The following WDR48 variants were observed in gnomAD, a reference collection of about 807,000 sequenced individuals.
WDR48 encodes WD repeat-containing protein 48.
In WDR48, 22 loss-of-function variants were observed where a neutral mutation model predicts 94.0. The ratio of observed to expected loss-of-function variants is 0.23; its 90% CI spans 0.17 to 0.33. The LOEUF is 0.33. WDR48 is among the 10% of genes least tolerant of loss of function. WDR48 has a pLI of 1.00. For synonymous variants in WDR48, 278 were observed against 280.5 expected, an observed-to-expected ratio of 0.99 and a Z score of 0.09; for missense variants, 541 against 813.8, an observed-to-expected ratio of 0.66 and a Z score of 4.08.
chr3:39,089,192 G>GCTTGTTGGGTTACTTA, intron 15 of WDR48, 39 bp from the exon 16 acceptor site: 1 of 1,582,250 alleles, frequency 6.3e-7, no homozygotes, highest in Non-Finnish European at 8.7e-7. Context: ...TGACATCTGT[G>GCTTGTTGGGTTACTTA]CTTGTTGGGT....
At position 39,067,007 on chromosome 3, in the gene WDR48, G is replaced by A. The variant is rs546342310; in HGVS notation, c.481+132G>A. 6.3e-4 allele frequency: 682 copies of A among 1,076,322 alleles called. 3 individuals are homozygous for A. The African/African-American group carries it at 9.5e-3, about 15-fold the overall frequency. 66.7% of individuals were successfully genotyped at this position (1,076,322 alleles called of 1,614,324 possible). ...TTTTGAGAGTGCTTCTACCTACAGC[G>A]TTCTGGCCCCCAAGAGTATGATTGA... On this transcript the variant is annotated intron_variant, in intron 5 of 18. Coordinates refer to ENST00000302313, the MANE Select transcript of WDR48 (RefSeq NM_020839.4).
intron 11 of WDR48, 73 bp downstream of exon 11, chr3:39,079,881 G>A: frequency 1.3e-6 from 1 of 797,492 alleles, no homozygotes; most frequent in Non-Finnish European, 1.9e-6. Flanking sequence ...TTTTGTATGT[G>A]ATAAGATAAT....
Position 39,068,869 on chromosome 3 carries a change from A to C in WDR48, c.570+10A>C. On this transcript the variant is annotated intron_variant, in intron 6 of 18. Coordinates refer to ENST00000302313, the MANE Select transcript of WDR48 (RefSeq NM_020839.4). ...AGGGTCCACTGAAAAGGTAAGGAGG[A>C]GCTTATTTCTTTATTTAAAAAAAAA... 6.5e-7 allele frequency: 1 copy of C among 1,544,972 alleles called. No individual in the cohort carries two copies. Among genetic ancestry groups the C allele is most frequent in the Non-Finnish European group, 8.8e-7 (1 of 1,140,656 alleles).
chr3:39,066,729 T>TA lies in WDR48; in HGVS notation c.352-17_352-16insA. ...CTGATCTACAGAATAGATCATAGTA[T>TA]GTCTGTTCTATTACAGGATTACGTA... On this transcript the variant is annotated splice_polypyrimidine_tract_variant and intron_variant, in intron 4 of 18. Transcript: ENST00000302313. 1 of 1,613,886 alleles carries TA rather than the reference T, an allele frequency of 6.2e-7. No homozygotes were observed. Among genetic ancestry groups the TA allele is most frequent in the Admixed American group, 1.7e-5 (1 of 60,018 alleles).
At chr3:39,082,404 C>T (rs1012144830) in intron 11 of WDR48, among the ~76,000 whole-genome samples, 1 of 152,002 alleles carries the variant, frequency 6.6e-6, no homozygotes, top group Non-Finnish European at 1.5e-5. Context: ...GCCTCAGCCT[C>T]CCGAGTAGCT....
intron 1 of WDR48, among the ~76,000 whole-genome samples, chr3:39,061,717 C>G (rs892147075): frequency 6.6e-6 from 1 of 152,302 alleles, no homozygotes; most frequent in Admixed American, 6.5e-5. Context: ...CTCCCACCAA[C>G]AGTGTAAAAG....
intron 4 of WDR48, 40 bp from the exon 5 acceptor site, chr3:39,066,702 TACTG>T (rs2033629804): frequency 6.2e-7 from 1 of 1,613,080 alleles, no homozygotes; most frequent in Admixed American, 1.7e-5. Context: ...CTCATTTTAT[TACTG>T]ATCTACAGAA....
intron 8 of WDR48, among the ~76,000 whole-genome samples, chr3:39,075,757 G>A (rs550277146): frequency 8.6e-5 from 13 of 151,506 alleles, no homozygotes; most frequent in Admixed American, 7.2e-4. Context: ...GCAGTGATGC[G>A]ATCTCGGCTC....
intron 15 of WDR48, among the ~76,000 whole-genome samples, chr3:39,088,611 A>G (rs2034932994): frequency 6.6e-6 from 1 of 152,128 alleles, no homozygotes; most frequent in East Asian, 1.9e-4. Flanking sequence ...TACTTTTCTT[A>G]GGCTGATCCA....
intron 10 of WDR48, 150 bp downstream of exon 10, chr3:39,078,389 GTTT>G (rs955395155): frequency 1.4e-5 from 9 of 624,386 alleles, no homozygotes; most frequent in East Asian, 6.6e-5. Flanking sequence ...TAAGGAAAAG[GTTT>G]TTTTTTGTTT....
At chr3:39,090,856 T>C (rs1335398083) in intron 16 of WDR48, 2 of 152,232 alleles carry the variant, frequency 1.3e-5, no homozygotes, top group Non-Finnish European at 1.5e-5. Flanking sequence ...TTAAAGCCAA[T>C]GTGACACCTG....
intron 1 of WDR48, among the ~76,000 whole-genome samples, chr3:39,060,993 G>A (rs2033223200): frequency 6.6e-6 from 1 of 152,086 alleles, no homozygotes; most frequent in South Asian, 2.1e-4. Flanking sequence ...TTATTTTTAT[G>A]GTTATTAAAT....
intron 17 of WDR48, among the ~76,000 whole-genome samples, 157 bp downstream of exon 17, chr3:39,091,858 T>A (rs1030369699): frequency 1.3e-5 from 2 of 152,206 alleles, no homozygotes; most frequent in Non-Finnish European, 2.9e-5. Context: ...GGTACCAACT[T>A]TGGCCGATTA....
intron 5 of WDR48, among the ~76,000 whole-genome samples, chr3:39,067,579 C>T (rs1453162544): frequency 6.6e-6 from 1 of 152,174 alleles, no homozygotes; most frequent in African/African-American, 2.4e-5. Context: ...GGCCAGGTTT[C>T]AGAAGGGACT....
intron 2 of WDR48, 165 bp from the exon 3 acceptor site, chr3:39,065,646 A>G (rs1559602958): frequency 4.3e-6 from 2 of 467,212 alleles, no homozygotes; most frequent in Non-Finnish European, 3.8e-6. Context: ...TACATCTGTT[A>G]TCTGGAAGCA....
chr3:39,083,615 AAG>A (rs2034644439), intron 11 of WDR48, among the ~76,000 whole-genome samples: 1 of 152,174 alleles, frequency 6.6e-6, no homozygotes, highest in Admixed American at 6.5e-5. Context: ...TCAGAGGTAG[AAG>A]AGAGATTTAG....
At chr3:39,062,850 G>A (rs2033356311) in intron 1 of WDR48, among the ~76,000 whole-genome samples, 200 bp from the exon 2 acceptor site, 1 of 152,212 alleles carries the variant, frequency 6.6e-6, no homozygotes, top group African/African-American at 2.4e-5. Context: ...ACTTACTCAT[G>A]TTGGACTAGG....
chr3:39,052,302 T>G, intron 1 of WDR48: 1 of 537,794 alleles, frequency 1.9e-6, no homozygotes. Flanking sequence ...GTGGGCGGCA[T>G]TCTGAGCCCG....
intron 17 of WDR48, among the ~76,000 whole-genome samples, chr3:39,093,594 C>G (rs1326290801): frequency 6.6e-6 from 1 of 152,144 alleles, no homozygotes; most frequent in Non-Finnish European, 1.5e-5. Flanking sequence ...CCTTGGCCTC[C>G]CAAAGTGCTG....
Sources: allele counts gnomAD v4.1 joint callset (sites outside exome capture counted in the v4.1 genomes callset), GRCh38; gene constraint gnomAD v4.1.1; transcripts MANE v1.5; gene names NCBI Gene and HGNC (gene_info 2026-07-23, HGNC 2026-07-21).